Variants in PTPRS observed in about 807,000 individuals in gnomAD.
PTPRS encodes the protein receptor-type tyrosine-protein phosphatase S.
A neutral mutation model predicts 215.3 loss-of-function variants in PTPRS; 63 were observed. That is an observed-to-expected ratio of 0.29 (90% CI 0.24 to 0.36). The LOEUF (loss-of-function observed/expected upper bound fraction) is 0.36. Ranked by LOEUF, PTPRS falls within the 10% of genes least tolerant of loss-of-function variation. The pLI, the probability that PTPRS is intolerant of heterozygous loss-of-function variation, is 1.00. For synonymous variants in PTPRS, 1,404 were observed against 1,191.4 expected, an observed-to-expected ratio of 1.18 and a Z score of -3.68; for missense variants, 2,258 against 2,825.8, an observed-to-expected ratio of 0.80 and a Z score of 4.56.
intron 1 of PTPRS, among the ~76,000 whole-genome samples, chr19:5,297,759 TA>T (rs1441539655): frequency 2.0e-5 from 3 of 151,338 alleles, no homozygotes; most frequent in Admixed American, 6.6e-5. Flanking sequence ...GCCCTGAGGC[TA>T]ACCATTTCCT....
At chr19:5,242,492 T>C (rs1426087234) in intron 11 of PTPRS, among the ~76,000 whole-genome samples, 2 of 151,592 alleles carry the variant, frequency 1.3e-5, no homozygotes, top group Non-Finnish European at 2.9e-5. Context: ...CTCAGCCTCC[T>C]GAGTAGCTGG....
chr19:5,215,270 C>T lies in PTPRS; in HGVS notation c.4318+19G>A, dbSNP rs745791492. On this transcript the variant is annotated intron_variant, in intron 28 of 37. Coordinates refer to ENST00000262963, the MANE Select transcript of PTPRS (RefSeq NM_002850.4). ...TGCAGTGGGGAAGGGCAGGTTAAGA[C>T]CCGGGATCTCCGAACTACCTTCAAT... The T allele has an allele frequency of 7.4e-6, 12 of 1,612,852 alleles. No individual in the cohort carries two copies. The highest frequency in any genetic ancestry group is 4.0e-5 in the African/African-American group (3 of 74,912).
chr19:5,214,877 T>C, intron 28 of PTPRS, 141 bp from the exon 29 acceptor site: 1 of 924,592 alleles, frequency 1.1e-6, no homozygotes, highest in Non-Finnish European at 1.6e-6. Flanking sequence ...ACTTCACAGT[T>C]TCTCCCCCTC....
In PTPRS at chr19:5,258,085, T is replaced by G; in HGVS notation, c.638A>C (p.Lys213Thr). 6.2e-7 allele frequency: 1 copy of G among 1,614,198 alleles called. No homozygotes were observed. Among genetic ancestry groups the G allele is most frequent in the Non-Finnish European group, 8.5e-7 (1 of 1,180,028 alleles). Reference protein sequence around the residue: ...IESSEETDQGKYECVATNSAG... With the variant: ...IESSEETDQGTYECVATNSAG... ...GCTGTTGGTGGCCACACACTCATAT[T>G]TGCCCTGGTCGGTTTCCTCACTGCT... is the stretch of plus-strand genomic sequence containing the variant. Residue 213 changes from lysine to threonine, a missense_variant, in exon 8 of 38, where the codon AAA (lysine) becomes ACA (threonine). Coordinates refer to ENST00000262963, the MANE Select transcript of PTPRS (RefSeq NM_002850.4).
intron 5 of PTPRS, among the ~76,000 whole-genome samples, chr19:5,264,380 G>A (rs1330962490): frequency 6.6e-6 from 1 of 152,148 alleles, no homozygotes; most frequent in Non-Finnish European, 1.5e-5. Flanking sequence ...CATACCCATT[G>A]AAGCTGGTCT....
In PTPRS at chr19:5,210,381, T is replaced by G; in HGVS notation, c.5487+88A>C. On this transcript the variant is annotated intron_variant, in intron 35 of 37. Transcript: ENST00000262963. This position sits in a 1 kb window ranked among gnomAD's most constrained non-coding sequence, Gnocchi z 4.5. ...GATTCCCAATGCTTATGCCTAACCC[T>G]TGGCCTTTGTATCCATCACCAACCA... is the stretch of plus-strand genomic sequence containing the variant. 1 of 1,571,986 alleles carries G rather than the reference T, an allele frequency of 6.4e-7. No individual in the cohort carries two copies. The highest frequency in any genetic ancestry group is 8.7e-7 in the Non-Finnish European group (1 of 1,150,090).
intron 1 of PTPRS, among the ~76,000 whole-genome samples, chr19:5,313,615 G>A (rs1046013801): frequency 2.0e-5 from 3 of 152,172 alleles, no homozygotes; most frequent in Non-Finnish European, 2.9e-5. Flanking sequence ...TCAAGAGGAC[G>A]GGAAATGTCA....
chr19:5,223,083 G>A lies in PTPRS; in HGVS notation c.2709C>T (p.Phe903=). ...SGVHKGATYV[F]RLAARSRGGL... ...CGCCGCGGCTCCGGGCCGCAAGCCG[G>A]AACACATACGTGGCCCCCTTGTGCA... The change falls in exon 18 of 38, where the codon TTC becomes TTT. Residue 903 remains phenylalanine, a synonymous_variant. Transcript: ENST00000262963. 2 of 1,560,808 alleles carry A rather than the reference G, an allele frequency of 1.3e-6. No homozygotes were observed. The highest frequency in any genetic ancestry group is 1.4e-5 in the African/African-American group (1 of 73,622).
chr19:5,216,811 AGG>A, intron 25 of PTPRS, 44 bp from the exon 26 acceptor site: 1 of 1,267,728 alleles, frequency 7.9e-7, no homozygotes, highest in Non-Finnish European at 1.1e-6. Context: ...TGCAGGGGGT[AGG>A]GGGGGGTCCC....
rs2049087540 is a variant in PTPRS, at chr19:5,294,924, AG to A, written c.-94-8691del. Reference sequence around the variant, plus strand: ...CAGCCCCATCCTCGACGAGGTACACAGTAGGTGCTTCATGGAGGAGGCTGCC... The same window carrying A: ...CAGCCCCATCCTCGACGAGGTACACATAGGTGCTTCATGGAGGAGGCTGCC... On this transcript the variant is annotated intron_variant, in intron 1 of 37. Transcript: ENST00000262963. The surrounding 1 kb of genome is among the most constrained non-coding windows in gnomAD (Gnocchi z 5.1). Among the ~76,000 whole-genome samples the A allele has an allele frequency of 6.6e-6, 1 of 152,172 alleles. No homozygotes were observed. The highest frequency in any genetic ancestry group is 2.4e-5 in the African/African-American group (1 of 41,448).
At chr19:5,233,518 T>TTA (rs2043184438) in intron 13 of PTPRS, among the ~76,000 whole-genome samples, 1 of 150,058 alleles carries the variant, frequency 6.7e-6, no homozygotes, top group Non-Finnish European at 1.5e-5. Context: ...CTTCACAAAA[T>TTA]AATAGAGCAT....
At chr19:5,240,475 C>T in intron 11 of PTPRS, 143 bp from the exon 12 acceptor site, 1 of 791,046 alleles carries the variant, frequency 1.3e-6, no homozygotes, top group South Asian at 2.5e-5. Flanking sequence ...ACCTCGCCCC[C>T]ATCCCATTGT....
rs2050624302 is a variant in PTPRS at position 5,339,726 on chromosome 19, A to G, written c.-95+938T>C. 6.6e-6 allele frequency among the ~76,000 whole-genome samples: 1 copy of G among 151,382 alleles called. No individual in the cohort carries two copies. Among genetic ancestry groups the G allele is most frequent in the African/African-American group, 2.4e-5 (1 of 41,206 alleles). On this transcript the variant is annotated intron_variant, in intron 1 of 37. Transcript: ENST00000262963. This position sits in a 1 kb window ranked among gnomAD's most constrained non-coding sequence, Gnocchi z 4.2. ...CCGCGCCCCCTTTAACCCAGTGCCG[A>G]CGGCCCCGCCCCCGGTATGACGTCA...
chr19:5,309,667 G>A (rs1027200245), intron 1 of PTPRS, among the ~76,000 whole-genome samples: 1 of 152,070 alleles, frequency 6.6e-6, no homozygotes, highest in Non-Finnish European at 1.5e-5. Flanking sequence ...CGTCTTTACC[G>A]ATGTTCAGGA....
In PTPRS at chr19:5,257,247, G is replaced by C. The variant is rs903808881; in HGVS notation, c.706+770C>G. ...AAGGAAGTAAGCTTCCTTGGGGCAGGGGAGCGGGGAGGTGCTGGGGCGAGG... is the reference window on the plus strand; with the variant it reads ...AAGGAAGTAAGCTTCCTTGGGGCAGCGGAGCGGGGAGGTGCTGGGGCGAGG... On this transcript the variant is annotated intron_variant, in intron 8 of 37. Coordinates refer to ENST00000262963, the MANE Select transcript of PTPRS (RefSeq NM_002850.4). This position sits in a 1 kb window ranked among gnomAD's most constrained non-coding sequence, Gnocchi z 4.4. Among the ~76,000 whole-genome samples the C allele has an allele frequency of 6.6e-6, 1 of 151,776 alleles. No individual in the cohort carries two copies. Among genetic ancestry groups the C allele is most frequent in the African/African-American group, 2.4e-5 (1 of 41,288 alleles).
intron 2 of PTPRS, among the ~76,000 whole-genome samples, chr19:5,281,711 A>C (rs2047865591): frequency 6.6e-6 from 1 of 152,184 alleles, no homozygotes; most frequent in African/African-American, 2.4e-5. Context: ...GGCCGGGTCA[A>C]GAATGTTACT....
chr19:5,277,856 T>C (rs2047518782), intron 2 of PTPRS: 13 of 867,554 alleles, frequency 1.5e-5, no homozygotes, highest in East Asian at 5.0e-5. Flanking sequence ...CCCAGAGGTA[T>C]TGACAACAGG....
chr19:5,261,427 G>A (rs1172729263), intron 6 of PTPRS, among the ~76,000 whole-genome samples: 1 of 152,170 alleles, frequency 6.6e-6, no homozygotes, highest in African/African-American at 2.4e-5. Flanking sequence ...AGGAAAAGAG[G>A]AAAGACCTGT....
chr19:5,290,493 G>A (rs1443850280), intron 1 of PTPRS, among the ~76,000 whole-genome samples: 7 of 152,138 alleles, frequency 4.6e-5, no homozygotes, highest in African/African-American at 1.4e-4. Flanking sequence ...TCTGGGAGCC[G>A]GCTTTGTGTG....
Sources: gnomAD v4.1 joint callset for allele counts (sites outside exome capture counted in the v4.1 genomes callset) on GRCh38, gnomAD v4.1.1 for gene constraint, Gnocchi (gnomAD v3.1) non-coding constraint, MANE v1.5 for transcripts, NCBI Gene and HGNC (gene_info 2026-07-23, HGNC 2026-07-21) for gene names.